TFDP1: variants seen among roughly 807,000 people sequenced by gnomAD.
TFDP1 encodes DRTF1-polypeptide 1.
A neutral mutation model predicts 48.0 loss-of-function variants in TFDP1; 6 were observed. That is an observed-to-expected ratio of 0.13 (90% CI 0.07 to 0.25). TFDP1 has a LOEUF of 0.25. Ranked by LOEUF, TFDP1 falls within the 10% of genes least tolerant of loss-of-function variation. The probability of loss-of-function intolerance (pLI) is 1.00; values close to 1 mark genes in which losing one functional copy is unlikely to be tolerated. For synonymous variants in TFDP1, 201 were observed against 211.6 expected (o/e 0.95, Z 0.44); for missense variants, 335 against 543.0 (o/e 0.62, Z 3.81).
intron 2 of TFDP1, among the ~76,000 whole-genome samples, chr13:113,595,884 C>A (rs1270771509): frequency 6.6e-6 from 1 of 152,204 alleles, no homozygotes; most frequent in Non-Finnish European, 1.5e-5. Context: ...ATATCGAGAC[C>A]ATCCTGGCTA....
intron 3 of TFDP1, among the ~76,000 whole-genome samples, chr13:113,616,203 C>CAAA (rs759656354): frequency 1.3e-5 from 1 of 75,090 alleles, no homozygotes; most frequent in East Asian, 3.4e-4. Flanking sequence ...ACTCTGTCTC[C>CAAA]AAAAAAAAAA....
intron 2 of TFDP1, among the ~76,000 whole-genome samples, chr13:113,590,285 C>T (rs888831301): frequency 6.6e-6 from 1 of 152,154 alleles, no homozygotes; most frequent in Non-Finnish European, 1.5e-5. Context: ...GAGCTGGGGA[C>T]CAAGAGAACT....
chr13:113,586,690 C>G (rs191154123), intron 2 of TFDP1, among the ~76,000 whole-genome samples: 25 of 152,316 alleles, frequency 1.6e-4, no homozygotes, highest in African/African-American at 5.5e-4. Context: ...GTGTGGAGCC[C>G]TCTCCGTTGG....
intron 2 of TFDP1, among the ~76,000 whole-genome samples, chr13:113,605,894 TCC>T (rs2048553396): frequency 7.7e-6 from 1 of 129,166 alleles, no homozygotes; most frequent in East Asian, 2.6e-4. Context: ...GTGATGAGTG[TCC>T]AAGGCGGCGC....
At position 113,611,036 on chromosome 13, in the gene TFDP1, T is replaced by C. The variant is rs778718307; in HGVS notation, c.53T>C (p.Ile18Thr). Residue 18 changes from isoleucine (I) to threonine (T), a missense_variant, in exon 3 of 12, where the codon ATA becomes ACA. Physicochemically the swap from Ile to Thr is moderately conservative, Grantham distance 89 (BLOSUM62 -1). Coordinates refer to ENST00000375370, the MANE Select transcript of TFDP1 (RefSeq NM_007111.5). The part of the protein sequence containing the change: ...IEANGELKVF[I>T]DQNLSPGKGV... ...GCCAACGGAGAACTCAAGGTCTTCA[T>C]AGACCAGAACCTTAGTCCCGGGAAA... 1.2e-6 allele frequency: 2 copies of C among 1,614,202 alleles called. No homozygotes were observed. Among genetic ancestry groups the C allele is most frequent in the Admixed American group, 1.7e-5 (1 of 60,030 alleles).
intron 3 of TFDP1, among the ~76,000 whole-genome samples, chr13:113,616,975 G>GT (rs1182040011): frequency 6.6e-6 from 1 of 152,196 alleles, no homozygotes; most frequent in Admixed American, 6.5e-5. Flanking sequence ...TTCTGTGGCC[G>GT]TAACCCTTGT....
At chr13:113,629,945 C>T (rs532758150) in intron 4 of TFDP1, among the ~76,000 whole-genome samples, 5 of 152,332 alleles carry the variant, frequency 3.3e-5, no homozygotes, top group East Asian at 1.9e-4. Context: ...CTCCAGCCCC[C>T]TGTACCTGTG....
intron 2 of TFDP1, among the ~76,000 whole-genome samples, chr13:113,604,515 T>C (rs2048516763): frequency 6.6e-6 from 1 of 152,204 alleles, no homozygotes; most frequent in South Asian, 2.1e-4. Flanking sequence ...ATTCAGGTGC[T>C]GAGTTTGAGA....
In TFDP1 at chr13:113,623,305, C is replaced by T. The variant is rs373191610; in HGVS notation, c.186+19C>T. 35 of 1,590,690 alleles carry T rather than the reference C, an allele frequency of 2.2e-5. No individual in the cohort carries two copies. The highest frequency in any genetic ancestry group is 8.7e-5 in the Admixed American group (5 of 57,234). On this transcript the variant is annotated intron_variant, in intron 4 of 11. Coordinates refer to ENST00000375370, the MANE Select transcript of TFDP1 (RefSeq NM_007111.5). This position sits in a 1 kb window ranked among gnomAD's most constrained non-coding sequence, Gnocchi z 5.2. ...GCAAGTGGTAAGCCTCCCGCAGGAG[C>T]GGACAGCCGGGATCTCGGTGTGAGG...
intron 2 of TFDP1, among the ~76,000 whole-genome samples, chr13:113,608,294 A>G (rs1198183038): frequency 1.3e-5 from 2 of 152,234 alleles, no homozygotes; most frequent in Non-Finnish European, 2.9e-5. Context: ...GCAGGCGCTC[A>G]TGCTCATCCT....
chr13:113,625,267 TC>T (rs2049113861), intron 4 of TFDP1, among the ~76,000 whole-genome samples: 1 of 123,566 alleles, frequency 8.1e-6, no homozygotes, highest in Non-Finnish European at 1.7e-5. Flanking sequence ...CTCTCACATG[TC>T]CTCAGGTGTC....
chr13:113,625,791 GTC>G (rs1177719565), intron 4 of TFDP1, among the ~76,000 whole-genome samples: 1 of 37,574 alleles, frequency 2.7e-5, no homozygotes, highest in Non-Finnish European at 5.6e-5. Flanking sequence ...GTCCTCAGGC[GTC>G]TCTCACGTGT....
In TFDP1 at chr13:113,628,041, G is replaced by A. The variant is rs145771133; in HGVS notation, c.187-3582G>A. Among the ~76,000 whole-genome samples the A allele has an allele frequency of 5.9e-5, 9 of 152,330 alleles. No homozygotes were observed. The East Asian group carries it at 7.7e-4, about 13-fold the overall frequency. ...GAGCTGTTTTCTAACGACTGCTGGCGTGGAAGCTGCAAAAGCTTTAGAGTC... is the reference window on the plus strand; with the variant it reads ...GAGCTGTTTTCTAACGACTGCTGGCATGGAAGCTGCAAAAGCTTTAGAGTC... On this transcript the variant is annotated intron_variant, in intron 4 of 11. Coordinates refer to ENST00000375370, the MANE Select transcript of TFDP1 (RefSeq NM_007111.5).
chr13:113,637,582 T>C (rs1202599797), intron 10 of TFDP1: 2 of 1,514,464 alleles, frequency 1.3e-6, no homozygotes, highest in South Asian at 1.2e-5. Flanking sequence ...AGTCAGTGTG[T>C]GCAGGTATTT....
chr13:113,608,020 C>G (rs61424856), intron 2 of TFDP1, among the ~76,000 whole-genome samples: 2 of 152,148 alleles, frequency 1.3e-5, no homozygotes, highest in African/African-American at 4.8e-5. Context: ...CAGACACGAG[C>G]GTCACAGTGG....
intron 3 of TFDP1, among the ~76,000 whole-genome samples, chr13:113,616,593 C>T (rs2048865142): frequency 6.6e-6 from 1 of 152,160 alleles, no homozygotes; most frequent in African/African-American, 2.4e-5. Context: ...GAGCATCTCC[C>T]TTTGTTGTGT....
intron 2 of TFDP1, among the ~76,000 whole-genome samples, chr13:113,604,582 T>A (rs1347591734): frequency 6.6e-6 from 1 of 152,192 alleles, no homozygotes; most frequent in Non-Finnish European, 1.5e-5. Flanking sequence ...ACTTTGCTGT[T>A]GCCCAGCAGG....
intron 2 of TFDP1, among the ~76,000 whole-genome samples, chr13:113,597,307 G>A (rs2048310261): frequency 6.6e-6 from 1 of 152,218 alleles, no homozygotes; most frequent in African/African-American, 2.4e-5. Flanking sequence ...GAATGGAGAT[G>A]GTCTCCACCT....
At chr13:113,612,503 T>C (rs1377806025) in intron 3 of TFDP1, among the ~76,000 whole-genome samples, 3 of 152,254 alleles carry the variant, frequency 2.0e-5, no homozygotes, top group Non-Finnish European at 4.4e-5. Flanking sequence ...TTGAGAGAAA[T>C]ATCGTTTTAG....
Sources: gnomAD v4.1 joint callset for allele counts (sites outside exome capture counted in the v4.1 genomes callset) on GRCh38, gnomAD v4.1.1 for gene constraint, Gnocchi (gnomAD v3.1) non-coding constraint, MANE v1.5 for transcripts, NCBI Gene and HGNC (gene_info 2026-07-23, HGNC 2026-07-21) for gene names.